The following CTCF variants were observed in gnomAD, a reference collection of about 807,000 sequenced individuals.
CTCF encodes transcriptional repressor CTCF.
Under a neutral mutation model 72.3 loss-of-function variants are expected in CTCF, and 7 were observed. That is an observed-to-expected ratio of 0.10 (90% CI 0.06 to 0.18). The LOEUF is 0.18. CTCF is among the 10% of genes least tolerant of loss of function. The pLI, the probability that CTCF is intolerant of heterozygous loss-of-function variation, is 1.00. For missense variants in CTCF, 516 were observed against 949.1 expected (o/e 0.54, Z 6.00); for synonymous variants, 374 against 315.8 (o/e 1.18, Z -1.95).
chr16:67,634,166 A>ATGGGCT (rs975798919), intron 10 of CTCF, among the ~76,000 whole-genome samples: 22 of 152,140 alleles, frequency 1.4e-4, no homozygotes, highest in African/African-American at 5.3e-4. Flanking sequence ...GCATTTTTAA[A>ATGGGCT]TGGGCTTTTG....
chr16:67,636,753 C>G lies in CTCF; in HGVS notation c.1901C>G (p.Pro634Arg), dbSNP rs2052436263. 2 of 1,608,990 alleles carry G rather than the reference C, an allele frequency of 1.2e-6. No individual in the cohort carries two copies. The highest frequency in any genetic ancestry group is 1.3e-5 in the African/African-American group (1 of 74,670). ...GAGGAGCCTGCCGTAGAAATTGAAC[C>G]TGAGCCAGAGCCTCAGCCTGTGACC... ...DEEEPAVEIEPEPEPQPVTPA... is the reference protein window; with the variant it reads ...DEEEPAVEIEREPEPQPVTPA... Residue 634 changes from proline (P) to arginine (R), a missense_variant, in exon 11 of 12, where the codon CCT becomes CGT. Pro to Arg is a moderately radical substitution (Grantham distance 103). Coordinates refer to ENST00000264010, the MANE Select transcript of CTCF (RefSeq NM_006565.4).
chr16:67,570,767 A>G (rs1395921018), intron 1 of CTCF: 1 of 136,196 alleles, frequency 7.3e-6, no homozygotes, highest in East Asian at 2.1e-4. Context: ...TTTTTGAGAC[A>G]AGATCTCTCA....
intron 1 of CTCF, among the ~76,000 whole-genome samples, chr16:67,565,035 C>A (rs1281094125): frequency 6.6e-6 from 1 of 150,656 alleles, no homozygotes; most frequent in Non-Finnish European, 1.5e-5. Flanking sequence ...GAGTCTCGTT[C>A]TGTCCCCTAG....
chr16:67,596,648 G>A (rs1428216982), intron 2 of CTCF, among the ~76,000 whole-genome samples: 7 of 151,638 alleles, frequency 4.6e-5, no homozygotes, highest in East Asian at 3.9e-4. Context: ...GCAGTGGCAC[G>A]ATCTCGGCTC....
intron 1 of CTCF, chr16:67,564,089 T>C (rs1369362495): frequency 6.6e-6 from 1 of 152,334 alleles, no homozygotes; most frequent in African/African-American, 2.4e-5. Flanking sequence ...CTTCATACTT[T>C]GAGTTTCGAT....
chr16:67,594,453 A>G (rs1477868830), intron 2 of CTCF, among the ~76,000 whole-genome samples: 2 of 151,618 alleles, frequency 1.3e-5, no homozygotes, highest in Non-Finnish European at 2.9e-5. Flanking sequence ...TATTCTCAGC[A>G]TTTTGTGGGG....
intron 7 of CTCF, among the ~76,000 whole-genome samples, chr16:67,624,024 G>A (rs1597723031): frequency 6.7e-6 from 1 of 149,378 alleles, no homozygotes; most frequent in South Asian, 2.1e-4. Flanking sequence ...CTCCAGCCTG[G>A]GCAAGAGAGT....
At chr16:67,587,156 G>T (rs528875693) in intron 2 of CTCF, among the ~76,000 whole-genome samples, 46 of 146,410 alleles carry the variant, frequency 3.1e-4, no homozygotes, top group Non-Finnish European at 5.6e-4. Flanking sequence ...GCCCAGGCTG[G>T]CATGATCACA....
intron 2 of CTCF, among the ~76,000 whole-genome samples, chr16:67,599,790 G>A (rs952077073): frequency 1.3e-5 from 2 of 152,200 alleles, no homozygotes; most frequent in African/African-American, 4.8e-5. Context: ...TAGTTGGTTA[G>A]TGATGGATTG....
In CTCF at chr16:67,604,584, A is replaced by G. The variant is rs187913093; in HGVS notation, c.-9-6240A>G. 6.0e-3 allele frequency among the ~76,000 whole-genome samples: 915 copies of G among 152,142 alleles called. 13 individuals are homozygous for G. The highest frequency in any genetic ancestry group is 0.045 in the South Asian group (219 of 4,816). On this transcript the variant is annotated intron_variant, in intron 2 of 11. Coordinates refer to ENST00000264010, the MANE Select transcript of CTCF (RefSeq NM_006565.4). ...TCTGTATCTCCTGACCTCATGATCC[A>G]CCTGCCTTGGCCTCCCAAAGTGTTG...
chr16:67,594,579 A>G (rs2051787486), intron 2 of CTCF, among the ~76,000 whole-genome samples: 1 of 152,016 alleles, frequency 6.6e-6, no homozygotes, highest in African/African-American at 2.4e-5. Context: ...AGTGATGCGT[A>G]AAAAAACTTC....
intron 2 of CTCF, 24 bp from the exon 3 acceptor site, chr16:67,610,800 A>G: frequency 7.1e-7 from 1 of 1,408,798 alleles, no homozygotes; most frequent in Non-Finnish European, 9.3e-7. Flanking sequence ...TTTAAATAAC[A>G]ATCTGTGTTC....
chr16:67,570,012 C>G (rs2051392871), intron 1 of CTCF, among the ~76,000 whole-genome samples: 1 of 151,994 alleles, frequency 6.6e-6, no homozygotes, highest in South Asian at 2.1e-4. Flanking sequence ...ATCAGTAAGA[C>G]CACTACTTGC....
At position 67,574,650 on chromosome 16, in the gene CTCF, C is replaced by CTT. The variant is rs1162960134; in HGVS notation, c.-10+3411_-10+3412dup. On this transcript the variant is annotated intron_variant, in intron 2 of 11. Coordinates refer to ENST00000264010, the MANE Select transcript of CTCF (RefSeq NM_006565.4). Reference sequence around the variant, plus strand: ...AACCACCACGCCCAGCCAAAAGCATCTTTTTTTTTTTTTTTTTTTTTTTTT... The same window carrying CTT: ...AACCACCACGCCCAGCCAAAAGCATCTTTTTTTTTTTTTTTTTTTTTTTTTTT... Among the ~76,000 whole-genome samples the CTT allele has an allele frequency of 9.3e-4, 90 of 97,002 alleles. 4 individuals are homozygous for CTT. The highest frequency in any genetic ancestry group is 1.7e-3 in the African/African-American group (38 of 22,580). 63.6% of individuals were successfully genotyped at this position (97,002 alleles called of 152,430 possible).
At chr16:67,617,763 A>T (rs1428802160) in intron 5 of CTCF, among the ~76,000 whole-genome samples, 1 of 152,230 alleles carries the variant, frequency 6.6e-6, no homozygotes, top group Non-Finnish European at 1.5e-5. Context: ...AGAGCATTTT[A>T]AAATGGTAGG....
At chr16:67,572,799 G>C (rs1052417468) in intron 2 of CTCF, among the ~76,000 whole-genome samples, 2 of 151,844 alleles carry the variant, frequency 1.3e-5, no homozygotes, top group African/African-American at 4.8e-5. Context: ...AACTAGCCGA[G>C]TGTGGTGGTG....
intron 2 of CTCF, among the ~76,000 whole-genome samples, chr16:67,587,910 T>C (rs545486620): frequency 6.6e-6 from 1 of 152,310 alleles, no homozygotes; most frequent in Non-Finnish European, 1.5e-5. Context: ...CAGGCTGGGA[T>C]GCAGTGGCGT....
At chr16:67,622,493 A>T (rs1272578032) in intron 7 of CTCF, among the ~76,000 whole-genome samples, 2 of 152,114 alleles carry the variant, frequency 1.3e-5, no homozygotes, top group Non-Finnish European at 2.9e-5. Context: ...TAAATACATA[A>T]ATTCATGATC....
intron 2 of CTCF, among the ~76,000 whole-genome samples, chr16:67,581,211 A>C (rs1268345087): frequency 6.6e-6 from 1 of 152,122 alleles, no homozygotes; most frequent in Non-Finnish European, 1.5e-5. Context: ...TACAGGCGTG[A>C]GCCACTGCAC....
Sources: allele counts gnomAD v4.1 joint callset (sites outside exome capture counted in the v4.1 genomes callset), GRCh38; gene constraint gnomAD v4.1.1; transcripts MANE v1.5; gene names NCBI Gene and HGNC (gene_info 2026-07-23, HGNC 2026-07-21).